The following KALRN variants were observed in gnomAD, a reference collection of about 807,000 sequenced individuals.
KALRN encodes kalirin RhoGEF kinase.
Under a neutral mutation model 353.7 loss-of-function variants are expected in KALRN, and 70 were observed. The observed-to-expected ratio is 0.20, with a 90% CI of 0.16 to 0.24. The LOEUF is 0.24. Among genes scored for constraint, KALRN ranks in the 10% least tolerant of loss-of-function variants. The pLI, the probability that KALRN is intolerant of heterozygous loss-of-function variation, is 1.00. For missense variants in KALRN, 2,791 were observed against 3,756.7 expected (o/e 0.74, Z 6.72); for synonymous variants, 1,391 against 1,434.8 (o/e 0.97, Z 0.69).
At chr3:124,477,398 A>C (rs1380287236) in intron 27 of KALRN, 64 bp downstream of exon 27, 2 of 1,153,690 alleles carry the variant, frequency 1.7e-6, no homozygotes, top group Admixed American at 3.5e-5. Flanking sequence ...CTGCTTTGGC[A>C]TAATGGATGG....
intron 37 of KALRN, among the ~76,000 whole-genome samples, chr3:124,644,958 T>C (rs182954085): frequency 3.9e-5 from 6 of 152,364 alleles, no homozygotes; most frequent in Admixed American, 3.3e-4. Context: ...GTAAAAGTGT[T>C]CCTGTTTCTC....
At chr3:124,645,840 T>C (rs975378226) in intron 37 of KALRN, among the ~76,000 whole-genome samples, 7 of 152,188 alleles carry the variant, frequency 4.6e-5, no homozygotes, top group African/African-American at 1.7e-4. Context: ...TATTGGGTCA[T>C]ATGATAATTC....
At chr3:124,659,885 T>C (rs962013175) in intron 43 of KALRN, among the ~76,000 whole-genome samples, 7 of 148,428 alleles carry the variant, frequency 4.7e-5, no homozygotes, top group Non-Finnish European at 1.0e-4. Context: ...ATATATTATA[T>C]AAAATCAATA....
At chr3:124,370,441 AAC>A (rs1391840891) in intron 10 of KALRN, among the ~76,000 whole-genome samples, 1 of 152,202 alleles carries the variant, frequency 6.6e-6, no homozygotes, top group Non-Finnish European at 1.5e-5. Context: ...ATTTTTTCAA[AAC>A]ACTCTCATAG....
At chr3:124,474,913 T>A (rs533184084) in intron 26 of KALRN, among the ~76,000 whole-genome samples, 181 bp downstream of exon 26, 68 of 152,284 alleles carry the variant, frequency 4.5e-4, no homozygotes, top group Middle Eastern at 3.4e-3. Context: ...AAGCTCCATC[T>A]TAAGCTGTCT....
intron 6 of KALRN, among the ~76,000 whole-genome samples, chr3:124,311,061 CTTCTT>C (rs1560529144): frequency 6.4e-5 from 5 of 77,764 alleles, no homozygotes; most frequent in African/African-American, 1.9e-4. Context: ...TGAGATACTA[CTTCTT>C]TTTTTTTTTT....
chr3:124,125,292 C>T (rs564865470), intron 1 of KALRN, among the ~76,000 whole-genome samples: 1 of 152,336 alleles, frequency 6.6e-6, no homozygotes, highest in East Asian at 1.9e-4. Flanking sequence ...TTCCTAGCAA[C>T]AAGCCTTGAA....
intron 1 of KALRN, among the ~76,000 whole-genome samples, chr3:124,048,069 G>T (rs1399223143): frequency 6.6e-6 from 1 of 152,104 alleles, no homozygotes; most frequent in Non-Finnish European, 1.5e-5. Flanking sequence ...TTTCCAAAAT[G>T]AGGTCATTTT....
In KALRN at chr3:124,134,432, G is replaced by A. The variant is rs180784149; in HGVS notation, c.74-93558G>A. Among the ~76,000 whole-genome samples the A allele has an allele frequency of 1.9e-3, 293 of 152,252 alleles. 3 individuals are homozygous for A. Among genetic ancestry groups the A allele is most frequent in the African/African-American group, 6.8e-3 (283 of 41,548 alleles). On this transcript the variant is annotated intron_variant, in intron 1 of 59. Transcript: ENST00000682506. ...GAAACTATAAAAATTCTAGAAGACA[G>A]CATTTGAAAAACCCTTCTAGACATT...
chr3:124,462,509 G>A lies in KALRN; in HGVS notation c.3922-15G>A, dbSNP rs761459362. The A allele has an allele frequency of 6.7e-7, 1 of 1,482,958 alleles. No homozygotes were observed. Among genetic ancestry groups the A allele is most frequent in the Non-Finnish European group, 9.4e-7 (1 of 1,062,284 alleles). 91.9% of individuals were successfully genotyped at this position (1,482,958 alleles called of 1,614,324 possible). The stretch of plus-strand genomic sequence containing the variant: ...TGCCAGACTTGCCAGTGATGAAACT[G>A]TTACTGTCTTACAGACCTACCTGTG... On this transcript the variant is annotated splice_polypyrimidine_tract_variant and intron_variant, in intron 24 of 59. Transcript: ENST00000682506.
At chr3:124,364,242 G>C (rs2084380983) in intron 10 of KALRN, among the ~76,000 whole-genome samples, 1 of 152,184 alleles carries the variant, frequency 6.6e-6, no homozygotes, top group Non-Finnish European at 1.5e-5. Context: ...TGACTGTGAG[G>C]ATTATGGTAT....
intron 1 of KALRN, among the ~76,000 whole-genome samples, chr3:124,167,901 T>C (rs146906529): frequency 2.0e-5 from 3 of 152,328 alleles, no homozygotes; most frequent in East Asian, 1.9e-4. Flanking sequence ...AGAGCAGATA[T>C]GTGCATTTCC....
Position 124,418,934 on chromosome 3 carries a change from A to AT in KALRN, c.2543-3867dup, listed in dbSNP as rs200281375. 9.4e-3 allele frequency among the ~76,000 whole-genome samples: 1,392 copies of AT among 148,530 alleles called. 52 individuals carry two copies. In the East Asian group the frequency reaches 0.11, roughly 12 times the overall value. Reference sequence around the variant, plus strand: ...TCTGGGGTGTGGTTAGGACATGGTGATTTTTTTTTTTAATTCTCCAGCTGA... The same window carrying AT: ...TCTGGGGTGTGGTTAGGACATGGTGATTTTTTTTTTTTAATTCTCCAGCTGA... On this transcript the variant is annotated intron_variant, in intron 14 of 59. Transcript: ENST00000682506.
intron 25 of KALRN, among the ~76,000 whole-genome samples, chr3:124,469,888 C>T (rs1399242903): frequency 6.6e-6 from 1 of 152,152 alleles, no homozygotes; most frequent in Non-Finnish European, 1.5e-5. Context: ...GATACACTTC[C>T]CCAGAAGCAG....
intron 10 of KALRN, among the ~76,000 whole-genome samples, chr3:124,353,966 C>T (rs2083109172): frequency 6.6e-6 from 1 of 152,082 alleles, no homozygotes; most frequent in African/African-American, 2.4e-5. Context: ...TGATGGGAGA[C>T]CATCTGGTGA....
At chr3:124,290,713 T>C (rs879869929) in intron 5 of KALRN, among the ~76,000 whole-genome samples, 8 of 152,116 alleles carry the variant, frequency 5.3e-5, no homozygotes, top group Admixed American at 2.0e-4. Flanking sequence ...GGGTTAATAT[T>C]GGGGAGATAA....
chr3:124,441,447 G>T (rs2093662572), intron 18 of KALRN, among the ~76,000 whole-genome samples: 1 of 152,116 alleles, frequency 6.6e-6, no homozygotes, highest in Admixed American at 6.5e-5. Context: ...TCCATAAATT[G>T]GAATTGGAGT....
intron 34 of KALRN, among the ~76,000 whole-genome samples, chr3:124,599,294 C>T (rs2076571300): frequency 6.6e-6 from 1 of 152,200 alleles, no homozygotes; most frequent in South Asian, 2.1e-4. Context: ...TTGAAGCCGA[C>T]TTGCTTCAAG....
chr3:124,211,138 A>G (rs1245943900), intron 1 of KALRN, among the ~76,000 whole-genome samples: 1 of 152,238 alleles, frequency 6.6e-6, no homozygotes, highest in Non-Finnish European at 1.5e-5. Flanking sequence ...CAGTTCAGAC[A>G]CTTCATTGAT....
Sources: allele counts gnomAD v4.1 joint callset (sites outside exome capture counted in the v4.1 genomes callset), GRCh38; gene constraint gnomAD v4.1.1; transcripts MANE v1.5; gene names NCBI Gene and HGNC (gene_info 2026-07-23, HGNC 2026-07-21).